Variants in STAC3 observed in about 807,000 individuals in gnomAD.
STAC3 encodes SH3 and cysteine-rich domain-containing protein 3.
Under a neutral mutation model 48.5 loss-of-function variants are expected in STAC3, and 30 were observed. The observed-to-expected ratio is 0.62, with a 90% CI of 0.46 to 0.84. The LOEUF (loss-of-function observed/expected upper bound fraction) is 0.84. Ranked by LOEUF, STAC3 falls within the 40% of genes least tolerant of loss-of-function variation. The pLI is 0.00. For synonymous variants in STAC3, 144 were observed against 158.6 expected (o/e 0.91, Z 0.69); for missense variants, 419 against 462.6 (o/e 0.91, Z 0.86).
In STAC3 at chr12:57,249,326, G is replaced by T. The variant is rs2037843720; in HGVS notation, c.67-18C>A. On this transcript the variant is annotated intron_variant, in intron 2 of 11. Transcript: ENST00000332782. ...CGCTGTAGCTGAGGGAGGGAGTGAA[G>T]AAAACCCAATGTTAAAAGGACTTGT... 6.4e-7 allele frequency: 1 copy of T among 1,558,554 alleles called. No individual in the cohort carries two copies. Among genetic ancestry groups the T allele is most frequent in the East Asian group, 2.3e-5 (1 of 44,304 alleles).
intron 1 of STAC3, among the ~76,000 whole-genome samples, chr12:57,250,372 A>G (rs984557615): frequency 7.1e-6 from 1 of 140,478 alleles, no homozygotes; most frequent in Non-Finnish European, 1.5e-5. Context: ...CCTGGGTGAC[A>G]GAGCAAGACT....
rs1227095476 is a variant in STAC3, at chr12:57,247,425, A to AT, written c.506-525dup. 7.5e-3 allele frequency among the ~76,000 whole-genome samples: 439 copies of AT among 58,760 alleles called. 11 individuals are homozygous for AT. The highest frequency in any genetic ancestry group is 0.022 in the African/African-American group (343 of 15,724). The allele number at this position is 58,760 out of a possible 152,430, so 38.5% of individuals were successfully genotyped here. On this transcript the variant is annotated intron_variant, in intron 5 of 11. Coordinates refer to ENST00000332782, the MANE Select transcript of STAC3 (RefSeq NM_145064.3). ...CCAAATTATTATTATTATTATTATT[A>AT]TTATTTTTTTTTTTTTTTTTTTTTT... is the stretch of plus-strand genomic sequence containing the variant.
At chr12:57,247,422 ATTATTATTTTT>A (rs1425483764) in intron 5 of STAC3, among the ~76,000 whole-genome samples, 7,202 of 67,054 alleles carry the variant, frequency 0.11, 121 homozygotes, top group Middle Eastern at 0.3. Flanking sequence ...TATTATTATT[ATTATTATTTTT>A]TTTTTTTTTT....
chr12:57,247,422 A>ATTTTT (rs1380789337), intron 5 of STAC3, among the ~76,000 whole-genome samples: 26 of 68,390 alleles, frequency 3.8e-4, no homozygotes, highest in African/African-American at 1.3e-3. Context: ...TATTATTATT[A>ATTTTT]TTATTATTTT....
At chr12:57,246,955 G>A in intron 5 of STAC3, 54 bp from the exon 6 acceptor site, 2 of 1,558,988 alleles carry the variant, frequency 1.3e-6, no homozygotes, top group Admixed American at 1.7e-5. Context: ...AGAAAGGCTT[G>A]GAGGAAAGGA....
chr12:57,246,012 G>C (rs2136826249), intron 6 of STAC3, among the ~76,000 whole-genome samples: 1 of 151,256 alleles, frequency 6.6e-6, no homozygotes, highest in East Asian at 2.0e-4. Context: ...GGGAGGCTGA[G>C]GCAGGATAAT....
At chr12:57,247,948 C>T (rs1565782441) in intron 5 of STAC3, among the ~76,000 whole-genome samples, 178 bp downstream of exon 5, 1 of 152,192 alleles carries the variant, frequency 6.6e-6, no homozygotes, top group South Asian at 2.1e-4. Context: ...TCGTATCTCC[C>T]TCTGCTGTAA....
At chr12:57,249,663 A>T in intron 1 of STAC3, 26 bp from the exon 2 acceptor site, 1 of 1,612,838 alleles carries the variant, frequency 6.2e-7, no homozygotes, top group Non-Finnish European at 8.5e-7. Context: ...CCCCACTATG[A>T]AATCTAATCC....
At chr12:57,248,276 C>G in intron 4 of STAC3, 78 bp from the exon 5 acceptor site, 2 of 1,176,458 alleles carry the variant, frequency 1.7e-6, no homozygotes, top group Non-Finnish European at 2.6e-6. Context: ...GAGTGCTCAC[C>G]CTTTCTCAGA....
chr12:57,249,363 G>A, intron 2 of STAC3, 55 bp from the exon 3 acceptor site: 1 of 1,531,886 alleles, frequency 6.5e-7, no homozygotes, highest in Non-Finnish European at 8.8e-7. Context: ...ACCCTCTCTA[G>A]AGTAGGGGGG....
Position 57,245,239 on chromosome 12 carries a change from C to T in STAC3, c.604-28G>A, listed in dbSNP as rs372549290. On this transcript the variant is annotated intron_variant, in intron 6 of 11. Coordinates refer to ENST00000332782, the MANE Select transcript of STAC3 (RefSeq NM_145064.3). The stretch of plus-strand genomic sequence containing the variant: ...GGAGGGGGCACCAGAGTTAGGGAGA[C>T]GCTGTCTTGGGAACACATGCCCTGG... 1.4e-3 allele frequency: 2,257 copies of T among 1,609,968 alleles called. 40 individuals are homozygous for T. In the South Asian group the frequency reaches 0.023, roughly 16 times the overall value.
chr12:57,247,419 A>ATTTTTTTTTTTTTTTT (rs1360362639), intron 5 of STAC3, among the ~76,000 whole-genome samples: 16 of 88,646 alleles, frequency 1.8e-4, no homozygotes, highest in African/African-American at 6.8e-4. Context: ...TATTATTATT[A>ATTTTTTTTTTTTTTTT]TTATTATTAT....
At position 57,243,577 on chromosome 12, in the gene STAC3, C is replaced by A. The variant is rs1565779044; in HGVS notation, c.*235G>T. 2 of 476,370 alleles carry A rather than the reference C, an allele frequency of 4.2e-6. No homozygotes were observed. Among genetic ancestry groups the A allele is most frequent in the Admixed American group, 4.7e-5 (2 of 42,454 alleles). 29.5% of individuals were successfully genotyped at this position (476,370 alleles called of 1,614,324 possible). On this transcript the variant is annotated 3_prime_UTR_variant, in exon 12 of 12. Transcript: ENST00000332782. ...GATACGCGTTTTTTTCCAGCTCTTG[C>A]AAGCGGGGCCTGAAAGGTTTCGGGT...
In STAC3 at chr12:57,246,893, T is replaced by G; in HGVS notation, c.514A>C (p.Asn172His). 2 of 1,613,682 alleles carry G rather than the reference T, an allele frequency of 1.2e-6. No individual in the cohort carries two copies. The highest frequency in any genetic ancestry group is 2.2e-5 in the East Asian group (1 of 44,880). The change falls in exon 6 of 12, where the codon AAT becomes CAT. Residue 172 changes from asparagine (N) to histidine (H), a missense_variant. By Grantham distance (68) the Asn-to-His change is moderately conservative (BLOSUM62 1). Transcript: ENST00000332782. Reference protein sequence around the residue: ...YACVKDLSAANRNDPVFETLR... With the variant: ...YACVKDLSAAHRNDPVFETLR... ...GTTTCAAACACAGGATCATTGCGAT[T>G]GGCAGCAGCTAATCGAATGGGAGGA...
chr12:57,245,320 G>T, intron 6 of STAC3, 109 bp from the exon 7 acceptor site: 2 of 976,388 alleles, frequency 2.0e-6, no homozygotes, highest in Non-Finnish European at 3.1e-6. Flanking sequence ...AGATCTCAGA[G>T]TTGGAAGAGG....
chr12:57,249,495 A>T, intron 2 of STAC3, 76 bp downstream of exon 2: 1 of 1,576,394 alleles, frequency 6.3e-7, no homozygotes, highest in Non-Finnish European at 8.7e-7. Context: ...CACAAATGAG[A>T]TCAATTTAAG....
In STAC3 at chr12:57,246,874, AAC is replaced by A. The variant is rs1430468647; in HGVS notation, c.531_532del (p.Phe178Ter). 6.2e-7 allele frequency: 1 copy of A among 1,613,918 alleles called. No individual in the cohort carries two copies. Among genetic ancestry groups the A allele is most frequent in the East Asian group, 2.2e-5 (1 of 44,882 alleles). On this transcript the variant is annotated frameshift_variant, in exon 6 of 12. Transcript: ENST00000332782. LOFTEE classifies it high-confidence loss of function. ...GATCACCCCAGTGCGCAGGGTTTCA[AAC>A]ACAGGATCATTGCGATTGGCAGCAG...
At position 57,243,908 on chromosome 12, in the gene STAC3, G is replaced by T. The variant is rs754352201; in HGVS notation, c.999C>A (p.Ile333=). 3.1e-6 allele frequency: 5 copies of T among 1,613,598 alleles called. No individual in the cohort carries two copies. Among genetic ancestry groups the T allele is most frequent in the East Asian group, 2.2e-5 (1 of 44,890 alleles). Residue 333 remains isoleucine, a splice_region_variant and synonymous_variant, in exon 12 of 12, where the codon ATC becomes ATA. Transcript: ENST00000332782. ...IGQITLKKDQ[I]VVQKGDEAGG... ...CCGCTTCGTCTCCTTTCTGCACCACGATCTAGAAGATTAAAGGATCAGAAG... is the reference window on the plus strand; with the variant it reads ...CCGCTTCGTCTCCTTTCTGCACCACTATCTAGAAGATTAAAGGATCAGAAG...
chr12:57,244,842 AG>A (rs2037693091), intron 8 of STAC3, 73 bp downstream of exon 8: 4 of 1,558,026 alleles, frequency 2.6e-6, no homozygotes, highest in Non-Finnish European at 2.7e-6. Flanking sequence ...AGCTTCTGCC[AG>A]GGCCATGAGT....
Sources: gnomAD v4.1 joint callset for allele counts (sites outside exome capture counted in the v4.1 genomes callset) on GRCh38, gnomAD v4.1.1 for gene constraint, MANE v1.5 for transcripts, NCBI Gene and HGNC (gene_info 2026-07-23, HGNC 2026-07-21) for gene names.